Variants in AKAP6 observed in about 807,000 individuals in gnomAD.
AKAP6 encodes A-kinase anchor protein 6.
AKAP6 carries 58 observed loss-of-function variants against 188.5 expected under a neutral mutation model. The ratio of observed to expected loss-of-function variants is 0.31; its 90% CI spans 0.25 to 0.38. The LOEUF (loss-of-function observed/expected upper bound fraction) is 0.38. AKAP6 is among the 10% of genes least tolerant of loss of function. AKAP6 has a pLI of 1.00. For synonymous variants in AKAP6, 989 were observed against 998.6 expected, an observed-to-expected ratio of 0.99 and a Z score of 0.18; for missense variants, 2,710 against 2,740.0, an observed-to-expected ratio of 0.99 and a Z score of 0.24.
At chr14:32,476,468 T>A (rs74466736) in intron 2 of AKAP6, among the ~76,000 whole-genome samples, 1,739 of 152,336 alleles carry the variant, frequency 0.011, 15 homozygotes, top group East Asian at 0.026. Context: ...TAAGTTGAAC[T>A]TTCCTTGTGT....
chr14:32,529,868 A>G (rs1466290678), intron 2 of AKAP6, among the ~76,000 whole-genome samples: 1 of 150,850 alleles, frequency 6.6e-6, no homozygotes, highest in African/African-American at 2.4e-5. Context: ...TTTAATCTGT[A>G]TTTTAAAATA....
intron 2 of AKAP6, among the ~76,000 whole-genome samples, chr14:32,468,057 A>G (rs1308548873): frequency 6.6e-6 from 1 of 151,860 alleles, no homozygotes; most frequent in Non-Finnish European, 1.5e-5. Context: ...CCTAATTGTC[A>G]TCTCCCTTTC....
Position 32,736,013 on chromosome 14 carries a change from T to C in AKAP6, c.3372+131T>C. 4.5e-6 allele frequency: 3 copies of C among 668,600 alleles called. No homozygotes were observed. In the Admixed American group the frequency reaches 9.6e-5, roughly 21 times the overall value. The allele number at this position is 668,600 out of a possible 1,614,324, so 41.4% of individuals were successfully genotyped here. On this transcript the variant is annotated intron_variant, in intron 11 of 13. Transcript: ENST00000280979. Reference sequence around the variant, plus strand: ...GCACCTAAATGTTTCCTTGAATTTATAGACAACCTCCACATTTCTTATATG... The same window carrying C: ...GCACCTAAATGTTTCCTTGAATTTACAGACAACCTCCACATTTCTTATATG...
At chr14:32,523,587 G>A (rs1327556326) in intron 2 of AKAP6, among the ~76,000 whole-genome samples, 1 of 151,348 alleles carries the variant, frequency 6.6e-6, no homozygotes, top group African/African-American at 2.4e-5. Context: ...TCCCACCTCA[G>A]CTTCCTGAAT....
intron 9 of AKAP6, among the ~76,000 whole-genome samples, chr14:32,718,778 G>A (rs141661997): frequency 1.1e-3 from 173 of 152,296 alleles, no homozygotes; most frequent in Non-Finnish European, 1.9e-3. Context: ...TCATTTCTGT[G>A]TACTAACACT....
intron 11 of AKAP6, among the ~76,000 whole-genome samples, chr14:32,765,804 T>C (rs979466007): frequency 7.2e-5 from 11 of 152,142 alleles, no homozygotes; most frequent in Non-Finnish European, 4.4e-5. Flanking sequence ...GTATTAGTTA[T>C]ATCATTAGCA....
At chr14:32,768,299 CATT>C (rs1288706121) in intron 11 of AKAP6, among the ~76,000 whole-genome samples, 7 of 152,150 alleles carry the variant, frequency 4.6e-5, no homozygotes, top group African/African-American at 2.4e-5. Context: ...AAGTAATCAT[CATT>C]GTTTTGCTTT....
intron 1 of AKAP6, among the ~76,000 whole-genome samples, chr14:32,406,155 G>A (rs1889286919): frequency 6.6e-6 from 1 of 152,146 alleles, no homozygotes; most frequent in Non-Finnish European, 1.5e-5. Context: ...GACTGATAGT[G>A]TAACGAAAGC....
chr14:32,378,882 A>G (rs944306944), intron 1 of AKAP6, among the ~76,000 whole-genome samples: 2 of 151,514 alleles, frequency 1.3e-5, no homozygotes, highest in Admixed American at 1.3e-4. Context: ...TTTAAGGACA[A>G]TTGAAGAGTG....
At chr14:32,659,443 A>C (rs986367873) in intron 7 of AKAP6, among the ~76,000 whole-genome samples, 2 of 152,114 alleles carry the variant, frequency 1.3e-5, no homozygotes, top group Admixed American at 6.6e-5. Context: ...CAAGCTGTCC[A>C]TCTAAGAGAG....
intron 1 of AKAP6, among the ~76,000 whole-genome samples, chr14:32,355,978 C>T (rs2138467909): frequency 6.6e-6 from 1 of 152,028 alleles, no homozygotes; most frequent in East Asian, 1.9e-4. Flanking sequence ...GGGGTTTCAC[C>T]ATGTTGCCCA....
intron 7 of AKAP6, among the ~76,000 whole-genome samples, chr14:32,614,745 C>T (rs1886487964): frequency 6.6e-6 from 1 of 152,082 alleles, no homozygotes; most frequent in African/African-American, 2.4e-5. Context: ...ATTCCCCAGC[C>T]CAGCCAGTGA....
chr14:32,448,630 T>A (rs1209782166), intron 2 of AKAP6, among the ~76,000 whole-genome samples: 3 of 152,202 alleles, frequency 2.0e-5, no homozygotes, highest in Non-Finnish European at 4.4e-5. Context: ...GATTGGTAAT[T>A]TTTTGAGAAT....
chr14:32,613,806 A>G (rs1886447557), intron 7 of AKAP6, among the ~76,000 whole-genome samples: 1 of 152,184 alleles, frequency 6.6e-6, no homozygotes, highest in South Asian at 2.1e-4. Context: ...AGAGGTGTAT[A>G]CACATGTTTA....
At chr14:32,656,417 A>G (rs1429091175) in intron 7 of AKAP6, among the ~76,000 whole-genome samples, 2 of 152,166 alleles carry the variant, frequency 1.3e-5, no homozygotes, top group East Asian at 1.9e-4. Flanking sequence ...AATAGAAGAC[A>G]GTGGTTTCTC....
chr14:32,792,850 C>CT (rs2033652131), intron 12 of AKAP6, among the ~76,000 whole-genome samples: 1 of 152,064 alleles, frequency 6.6e-6, no homozygotes. Flanking sequence ...TATCGAAGGC[C>CT]TTTTCTGCTT....
At chr14:32,437,086 A>G (rs1404346912) in intron 2 of AKAP6, among the ~76,000 whole-genome samples, 1 of 152,076 alleles carries the variant, frequency 6.6e-6, no homozygotes, top group Non-Finnish European at 1.5e-5. Flanking sequence ...CTCCAGATTC[A>G]CTGTAAGTTC....
intron 9 of AKAP6, among the ~76,000 whole-genome samples, chr14:32,712,520 G>T (rs570999488): frequency 2.0e-5 from 3 of 152,142 alleles, no homozygotes; most frequent in African/African-American, 7.2e-5. Context: ...CAAAATTGGA[G>T]TTAATCCTCT....
At chr14:32,336,391 G>C (rs796573068) in intron 1 of AKAP6, among the ~76,000 whole-genome samples, 2 of 152,140 alleles carry the variant, frequency 1.3e-5, no homozygotes, top group African/African-American at 4.8e-5. Flanking sequence ...TGTACAAGCT[G>C]TAAAACTATC....
Sources: gnomAD v4.1 joint callset for allele counts (sites outside exome capture counted in the v4.1 genomes callset) on GRCh38, gnomAD v4.1.1 for gene constraint, MANE v1.5 for transcripts, NCBI Gene and HGNC (gene_info 2026-07-23, HGNC 2026-07-21) for gene names.